WDR97: variants seen among roughly 807,000 people sequenced by gnomAD.
The protein encoded by WDR97 is WD repeat domain 97, also known as WD repeat-containing protein 97.
WDR97 carries 111 observed loss-of-function variants against 65.4 expected under a neutral mutation model. The ratio of observed to expected loss-of-function variants is 1.70; its 90% CI spans 1.45 to 1.99. WDR97 has a LOEUF of 1.99. WDR97 is among the 30% of genes most tolerant of loss of function. The pLI is 0.00. For synonymous variants in WDR97, 802 were observed against 397.7 expected (o/e 2.02, Z -12.10); for missense variants, 1,674 against 865.0 (o/e 1.94, Z -11.73).
At position 144,107,773 on chromosome 8, in the gene WDR97, C is replaced by T. The variant is rs554578937; in HGVS notation, c.23C>T (p.Ala8Val). Residue 8 changes from alanine to valine, a missense_variant, in exon 1 of 24, where the codon GCA becomes GTA. Physicochemically the swap from Ala to Val is moderately conservative, Grantham distance 64. Transcript: ENST00000323662. ...GAAATGGAGGCAGAGGTGTGGGAGG[C>T]AGAAGGCTACAACCTAGTTCTGGAC... The part of the protein sequence containing the change: MEAEVWE[A>V]EGYNLVLDSD... 1.4e-6 allele frequency: 1 copy of T among 702,848 alleles called. No individual in the cohort carries two copies. The highest frequency in any genetic ancestry group is 1.5e-5 in the South Asian group (1 of 67,610). The allele number at this position is 702,848 out of a possible 1,614,324, so 43.5% of individuals were successfully genotyped here.
rs1346229858 is a variant in WDR97 at position 144,115,746 on chromosome 8, C to A, written c.4483C>A (p.Arg1495=). The change falls in exon 22 of 24, where the codon CGG becomes AGG. Residue 1495 remains arginine, a synonymous_variant. Coordinates refer to ENST00000323662, the MANE Select transcript of WDR97 (RefSeq NM_001316309.2). The part of the protein sequence containing the change: ...DALNFFCEQL[R]AQQRSSLQEK... Reference sequence around the variant, plus strand: ...GCTCAACTTCTTCTGTGAGCAGCTGCGGGCGCAGCAGCGGAGTTCGCTCCA... The same window carrying A: ...GCTCAACTTCTTCTGTGAGCAGCTGAGGGCGCAGCAGCGGAGTTCGCTCCA... 1 of 701,404 alleles carries A rather than the reference C, an allele frequency of 1.4e-6. No individual in the cohort carries two copies. The highest frequency in any genetic ancestry group is 2.3e-4 in the Middle Eastern group (1 of 4,278). 43.4% of individuals were successfully genotyped at this position (701,404 alleles called of 1,614,324 possible). A position where few individuals can be genotyped will look rare whatever the true frequency, so the allele number is the denominator to read the frequency against.
rs760731082 is a variant in WDR97 at position 144,116,277 on chromosome 8, C to G, written c.4853C>G (p.Pro1618Arg). 1 of 648,114 alleles carries G rather than the reference C, an allele frequency of 1.5e-6. No individual in the cohort carries two copies. Among genetic ancestry groups the G allele is most frequent in the African/African-American group, 1.8e-5 (1 of 54,914 alleles). The allele number at this position is 648,114 out of a possible 1,614,324, so 40.1% of individuals were successfully genotyped here. Residue 1618 changes from proline to arginine, a missense_variant, in exon 24 of 24, where the codon CCT (proline) becomes CGT (arginine). By Grantham distance (103) the Pro-to-Arg change is moderately radical. Transcript: ENST00000323662. ...QRYFLPADAD[P>R]DTYS Reference sequence around the variant, plus strand: ...TACTTTCTGCCAGCGGACGCGGACCCTGACACCTACAGCTGACCGGACTGG... The same window carrying G: ...TACTTTCTGCCAGCGGACGCGGACCGTGACACCTACAGCTGACCGGACTGG...
intron 1 of WDR97, 92 bp downstream of exon 1, chr8:144,107,954 G>C: frequency 1.4e-6 from 1 of 701,506 alleles, no homozygotes. Flanking sequence ...AAACTCCCCT[G>C]GGCAGTCCCT....
At position 144,115,983 on chromosome 8, in the gene WDR97, A is replaced by T. The variant is rs1836649331; in HGVS notation, c.4636A>T (p.Arg1546Trp). 5.7e-6 allele frequency: 4 copies of T among 700,608 alleles called. No homozygotes were observed. Among genetic ancestry groups the T allele is most frequent in the Admixed American group, 2.0e-5 (1 of 49,988 alleles). The allele number at this position is 700,608 out of a possible 1,614,324, so 43.4% of individuals were successfully genotyped here. Residue 1546 changes from arginine to tryptophan, a missense_variant, in exon 23 of 24, where the codon AGG becomes TGG. Coordinates refer to ENST00000323662, the MANE Select transcript of WDR97 (RefSeq NM_001316309.2). ...ILRLQEAKPQ[R>W]SARSAMRLRG... ...CCGGCTGCAGGAGGCCAAGCCGCAG[A>T]GGTCCGCGAGGTCCGCGATGAGACT...
Position 144,116,590 on chromosome 8 carries a change from GT to G in WDR97, c.*301del, listed in dbSNP as rs1480485105. 5 of 323,732 alleles carry G rather than the reference GT, an allele frequency of 1.5e-5. No individual in the cohort carries two copies. The Admixed American group carries it at 1.9e-4, about 12-fold the overall frequency. 20.1% of individuals were successfully genotyped at this position (323,732 alleles called of 1,614,324 possible). A position where few individuals can be genotyped will look rare whatever the true frequency, so the allele number is the denominator to read the frequency against. ...ACCATCCGCTGGGCACTGAGCAAAC[GT>G]TTTCTGCTCAAGTACTAGGTGTTGA... On this transcript the variant is annotated 3_prime_UTR_variant, in exon 24 of 24. Transcript: ENST00000323662.
rs1814810478 is a variant in WDR97 at position 144,118,326 on chromosome 8, A to C, written c.*2033A>C. The C allele has an allele frequency of 6.6e-6, 1 of 152,012 alleles. No homozygotes were observed. The highest frequency in any genetic ancestry group is 1.5e-5 in the Non-Finnish European group (1 of 68,024). The allele number at this position is 152,012 out of a possible 1,614,324, so 9.4% of individuals were successfully genotyped here. A position where few individuals can be genotyped will look rare whatever the true frequency, so the allele number is the denominator to read the frequency against. On this transcript the variant is annotated 3_prime_UTR_variant, in exon 24 of 24. Coordinates refer to ENST00000323662, the MANE Select transcript of WDR97 (RefSeq NM_001316309.2). ...GCGAGACTCTGTGTCAAAAAAAAAAAAATTATCTAGTTTAGGCCGGGTGTG... is the reference window on the plus strand; with the variant it reads ...GCGAGACTCTGTGTCAAAAAAAAAACAATTATCTAGTTTAGGCCGGGTGTG...
At chr8:144,110,279 G>C (rs546076298) in intron 6 of WDR97, 23 bp downstream of exon 6, 1 of 702,000 alleles carries the variant, frequency 1.4e-6, no homozygotes, top group Non-Finnish European at 2.6e-6. Context: ...CCTGCCAAAG[G>C]CCAGGCCGCC....
At position 144,110,239 on chromosome 8, in the gene WDR97, A is replaced by G; in HGVS notation, c.1826A>G (p.Asn609Ser). 1.4e-6 allele frequency: 1 copy of G among 702,938 alleles called. No homozygotes were observed. The highest frequency in any genetic ancestry group is 2.3e-4 in the Middle Eastern group (1 of 4,370). The allele number at this position is 702,938 out of a possible 1,614,324, so 43.5% of individuals were successfully genotyped here. The change falls in exon 6 of 24, where the codon AAC (asparagine) becomes AGC (serine). Residue 609 changes from asparagine to serine, a missense_variant. Physicochemically the swap from Asn to Ser is conservative, Grantham distance 46 (BLOSUM62 1). Coordinates refer to ENST00000323662, the MANE Select transcript of WDR97 (RefSeq NM_001316309.2). ...GPVVAIASTW[N>S]SIVSSGGDLT... ...GTTGTCGCCATCGCATCCACCTGGA[A>G]CAGCATTGTGTCTTCGGGTCAGTAG...
At position 144,115,973 on chromosome 8, in the gene WDR97, CA is replaced by C; in HGVS notation, c.4628del (p.Lys1543SerfsTer10). On this transcript the variant is annotated frameshift_variant, in exon 23 of 24. Transcript: ENST00000323662. LOFTEE classifies it low-confidence loss of function (END_TRUNC). ...YHPILRLQEA[K>X]PQRSARSAMR... ...ACCCCATCCTCCGGCTGCAGGAGGC[CA>C]AGCCGCAGAGGTCCGCGAGGTCCGC... The C allele has an allele frequency of 1.4e-6, 1 of 701,000 alleles. No individual in the cohort carries two copies. The highest frequency in any genetic ancestry group is 2.6e-6 in the Non-Finnish European group (1 of 384,442). The allele number at this position is 701,000 out of a possible 1,614,324, so 43.4% of individuals were successfully genotyped here. A position where few individuals can be genotyped will look rare whatever the true frequency, so the allele number is the denominator to read the frequency against.
At chr8:144,114,955 C>T (rs1034113328) in intron 21 of WDR97, 44 bp downstream of exon 21, 1 of 643,812 alleles carries the variant, frequency 1.6e-6, no homozygotes, top group Non-Finnish European at 2.8e-6. Context: ...ACCCTGTTGC[C>T]TTCTCTGGCT....
Position 144,110,419 on chromosome 8 carries a change from G to A in WDR97, c.1922G>A (p.Cys641Tyr), listed in dbSNP as rs1836522883. Residue 641 changes from cysteine to tyrosine, a missense_variant, in exon 7 of 24, where the codon TGC becomes TAC. Coordinates refer to ENST00000323662, the MANE Select transcript of WDR97 (RefSeq NM_001316309.2). ...ESLSLLRTFSCCYPAVALCAL... is the reference protein window; with the variant it reads ...ESLSLLRTFSYCYPAVALCAL... ...CTGAGCCTGCTGCGCACCTTCTCCT[G>A]CTGCTACCCGGCCGTGGCGCTCTGT... 1 of 703,036 alleles carries A rather than the reference G, an allele frequency of 1.4e-6. No homozygotes were observed. 43.5% of individuals were successfully genotyped at this position (703,036 alleles called of 1,614,324 possible). A position where few individuals can be genotyped will look rare whatever the true frequency, so the allele number is the denominator to read the frequency against.
chr8:144,110,611 G>A (rs1324503570), intron 7 of WDR97, 34 bp downstream of exon 7: 3 of 702,608 alleles, frequency 4.3e-6, no homozygotes, highest in South Asian at 1.5e-5. Flanking sequence ...CCCAGCCACC[G>A]CCCAGCTCCG....
In WDR97 at chr8:144,116,345, G is replaced by C; in HGVS notation, c.*52G>C. The stretch of plus-strand genomic sequence containing the variant: ...GCTCTGGGGCCTGTCATTGGTATTT[G>C]GCCAAGGCCTGCATCGGGAATAAAG... On this transcript the variant is annotated 3_prime_UTR_variant, in exon 24 of 24. Transcript: ENST00000323662. The C allele has an allele frequency of 1.7e-6, 1 of 579,626 alleles. No individual in the cohort carries two copies. Among genetic ancestry groups the C allele is most frequent in the Non-Finnish European group, 3.1e-6 (1 of 325,802 alleles). The allele number at this position is 579,626 out of a possible 1,614,324, so 35.9% of individuals were successfully genotyped here. A position where few individuals can be genotyped will look rare whatever the true frequency, so the allele number is the denominator to read the frequency against.
chr8:144,110,389 A>T lies in WDR97; in HGVS notation c.1892A>T (p.Glu631Val). ...TGGCGCGTCTTCCCCTATGCCGAAG[A>T]GAGCCTGAGCCTGCTGCGCACCTTC... ...KMWRVFPYAE[E>V]SLSLLRTFSC... Residue 631 changes from glutamate (E) to valine (V), a missense_variant, in exon 7 of 24, where the codon GAG (glutamate) becomes GTG (valine). Coordinates refer to ENST00000323662, the MANE Select transcript of WDR97 (RefSeq NM_001316309.2). The T allele has an allele frequency of 1.4e-6, 1 of 702,996 alleles. No individual in the cohort carries two copies. The highest frequency in any genetic ancestry group is 1.5e-5 in the South Asian group (1 of 67,610). 43.5% of individuals were successfully genotyped at this position (702,996 alleles called of 1,614,324 possible).
At chr8:144,109,252 C>T (rs1349066400) in intron 4 of WDR97, 82 bp downstream of exon 4, 1 of 699,774 alleles carries the variant, frequency 1.4e-6, no homozygotes, top group African/African-American at 1.7e-5. Flanking sequence ...GCAGCTCCGG[C>T]CAGGCCTTGC....
At position 144,108,864 on chromosome 8, in the gene WDR97, C is replaced by T. The variant is rs893872089; in HGVS notation, c.798C>T (p.Phe266=). The T allele has an allele frequency of 4.3e-6, 3 of 702,956 alleles. No homozygotes were observed. The highest frequency in any genetic ancestry group is 7.8e-6 in the Non-Finnish European group (3 of 384,984). 43.5% of individuals were successfully genotyped at this position (702,956 alleles called of 1,614,324 possible). The change falls in exon 3 of 24, where the codon TTC becomes TTT. Residue 266 remains phenylalanine (F), a synonymous_variant. Coordinates refer to ENST00000323662, the MANE Select transcript of WDR97 (RefSeq NM_001316309.2). ...PVPPHHVLRC[F]AAYGSAVLTF... Reference sequence around the variant, plus strand: ...CTCCCCACCACGTCCTGCGCTGCTTCGCGGCCTATGGCTCGGCCGTGCTCA... The same window carrying T: ...CTCCCCACCACGTCCTGCGCTGCTTTGCGGCCTATGGCTCGGCCGTGCTCA...
rs1836603150 is a variant in WDR97 at position 144,114,099 on chromosome 8, G to A, written c.3531G>A (p.Lys1177=). ...LLDEHYGHLP[K]FLHFFIYQTW... is the part of the protein sequence containing the mutation. ...ATGAGCATTACGGGCATCTGCCCAA[G>A]TTTCTGCATTTCTTCATCTACCAGA... The change falls in exon 18 of 24, where the codon AAG becomes AAA. Residue 1177 remains lysine (K), a synonymous_variant. Coordinates refer to ENST00000323662, the MANE Select transcript of WDR97 (RefSeq NM_001316309.2). 4.3e-6 allele frequency: 3 copies of A among 702,890 alleles called. No homozygotes were observed. The East Asian group carries it at 8.0e-5, about 19-fold the overall frequency. The allele number at this position is 702,890 out of a possible 1,614,324, so 43.5% of individuals were successfully genotyped here.
At position 144,110,212 on chromosome 8, in the gene WDR97, C is replaced by T. The variant is rs1836517868; in HGVS notation, c.1799C>T (p.Pro600Leu). The T allele has an allele frequency of 1.4e-6, 1 of 702,946 alleles. No homozygotes were observed. The allele number at this position is 702,946 out of a possible 1,614,324, so 43.5% of individuals were successfully genotyped here. A position where few individuals can be genotyped will look rare whatever the true frequency, so the allele number is the denominator to read the frequency against. ...CAAACGGAGGCGCACAGCCCGGGCC[C>T]GGTTGTCGCCATCGCATCCACCTGG... ...VFQTEAHSPG[P>L]VVAIASTWNS... The change falls in exon 6 of 24, where the codon CCG becomes CTG. Residue 600 changes from proline (P) to leucine (L), a missense_variant. Transcript: ENST00000323662.
At chr8:144,111,398 T>C in intron 10 of WDR97, 28 bp from the exon 11 acceptor site, 1 of 702,746 alleles carries the variant, frequency 1.4e-6, no homozygotes, top group Non-Finnish European at 2.6e-6. Flanking sequence ...CCACCCAGCA[T>C]CCCACCTGTG....
Sources: allele counts gnomAD v4.1 joint callset, GRCh38; gene constraint gnomAD v4.1.1; transcripts MANE v1.5; gene names NCBI Gene and HGNC (gene_info 2026-07-23, HGNC 2026-07-21).